TRIP4: variants seen among roughly 807,000 people sequenced by gnomAD.
TRIP4 encodes activating signal cointegrator 1.
Under a neutral mutation model 81.8 loss-of-function variants are expected in TRIP4, and 54 were observed. The observed-to-expected ratio is 0.66, with a 90% CI of 0.53 to 0.83. TRIP4 has a LOEUF of 0.83. Among genes scored for constraint, TRIP4 ranks in the 40% least tolerant of loss-of-function variants. TRIP4 has a pLI of 0.00. For missense variants in TRIP4, 662 were observed against 683.6 expected, an observed-to-expected ratio of 0.97 and a Z score of 0.35; for synonymous variants, 270 against 242.8, an observed-to-expected ratio of 1.11 and a Z score of -1.04.
At position 64,445,014 on chromosome 15, in the gene TRIP4, C is replaced by G; in HGVS notation, c.1584C>G (p.Asp528Glu). 1 of 1,545,586 alleles carries G rather than the reference C, an allele frequency of 6.5e-7. No individual in the cohort carries two copies. The highest frequency in any genetic ancestry group is 2.3e-5 in the East Asian group (1 of 44,112). Residue 528 changes from aspartate to glutamate, a missense_variant, in exon 12 of 13, where the codon GAC (aspartate) becomes GAG (glutamate). By Grantham distance (45) the Asp-to-Glu change is conservative. Coordinates refer to ENST00000261884, the MANE Select transcript of TRIP4 (RefSeq NM_016213.5). ...ATTTTTATATTTCACAGTTTCCAGA[C>G]ATCAGTCAAGAGTCTGATTCTCCAT... The part of the protein sequence containing the change: ...SQKQFKEQFP[D>E]ISQESDSPFV...
chr15:64,402,604 A>G (rs1352565342), intron 5 of TRIP4, among the ~76,000 whole-genome samples: 2 of 148,998 alleles, frequency 1.3e-5, no homozygotes, highest in Non-Finnish European at 3.0e-5. Flanking sequence ...GCTCACTGCA[A>G]CCTCCGCCAC....
At chr15:64,450,450 G>A (rs1306379998) in intron 12 of TRIP4, among the ~76,000 whole-genome samples, 1 of 151,382 alleles carries the variant, frequency 6.6e-6, no homozygotes, top group Non-Finnish European at 1.5e-5. Flanking sequence ...GAAGCCCAGG[G>A]TGAACTAGAA....
intron 12 of TRIP4, 118 bp downstream of exon 12, chr15:64,445,226 A>T (rs1421736361): frequency 1.8e-6 from 1 of 551,908 alleles, no homozygotes; most frequent in Non-Finnish European, 3.2e-6. Context: ...GAGGTAACCC[A>T]CTACCTTTGG....
chr15:64,388,264 A>G (rs1263273318), intron 1 of TRIP4, among the ~76,000 whole-genome samples: 1 of 152,098 alleles, frequency 6.6e-6, no homozygotes, highest in Non-Finnish European at 1.5e-5. Context: ...GGGCAGGTCA[A>G]ACTGTATTTC....
chr15:64,417,739 A>G (rs959106779), intron 8 of TRIP4, among the ~76,000 whole-genome samples: 18 of 152,218 alleles, frequency 1.2e-4, no homozygotes, highest in Admixed American at 3.9e-4. Context: ...TCATGCATCC[A>G]GTAGTCAGAA....
At chr15:64,392,244 G>A (rs1036955598) in intron 1 of TRIP4, among the ~76,000 whole-genome samples, 1 of 152,044 alleles carries the variant, frequency 6.6e-6, no homozygotes, top group Non-Finnish European at 1.5e-5. Flanking sequence ...TTTGCAGTGA[G>A]CTGAGATCGC....
intron 1 of TRIP4, among the ~76,000 whole-genome samples, chr15:64,388,252 AG>A (rs1285209665): frequency 6.6e-6 from 1 of 152,162 alleles, no homozygotes; most frequent in Non-Finnish European, 1.5e-5. Context: ...TCTAGAGAGA[AG>A]GGGCAGGTCA....
Position 64,395,548 on chromosome 15 carries a change from T to G in TRIP4, c.405+17T>G. The G allele has an allele frequency of 6.3e-7, 1 of 1,594,416 alleles. No individual in the cohort carries two copies. Among genetic ancestry groups the G allele is most frequent in the Non-Finnish European group, 8.6e-7 (1 of 1,169,536 alleles). On this transcript the variant is annotated intron_variant, in intron 3 of 12. Transcript: ENST00000261884. ...TTGGCCAAGGTGAGTGCTTATAGATTGAAGCTTTTTCTGACTATTGGAGAA... is the reference window on the plus strand; with the variant it reads ...TTGGCCAAGGTGAGTGCTTATAGATGGAAGCTTTTTCTGACTATTGGAGAA...
In TRIP4 at chr15:64,394,115, G is replaced by A. The variant is rs980150610; in HGVS notation, c.271G>A (p.Glu91Lys). 8.8e-6 allele frequency: 14 copies of A among 1,586,474 alleles called. No individual in the cohort carries two copies. Among genetic ancestry groups the A allele is most frequent in the Non-Finnish European group, 1.2e-5 (14 of 1,166,258 alleles). Residue 91 changes from glutamate to lysine, a missense_variant and splice_region_variant, in exon 2 of 13, where the codon GAA becomes AAA. By Grantham distance (56) the Glu-to-Lys change is moderately conservative. Transcript: ENST00000261884. Reference sequence around the variant, plus strand: ...TTTGCAGCAGTGCTTCAAAAAAGATGGTAAGTTAATGTAATTATGCAAATG... The same window carrying A: ...TTTGCAGCAGTGCTTCAAAAAAGATAGTAAGTTAATGTAATTATGCAAATG... Reference protein sequence around the residue: ...DPLQQCFKKDEILDGQKSGDH... With the variant: ...DPLQQCFKKDKILDGQKSGDH...
intron 10 of TRIP4, 59 bp from the exon 11 acceptor site, chr15:64,425,481 T>C (rs1892119898): frequency 1.4e-6 from 2 of 1,386,240 alleles, no homozygotes; most frequent in Non-Finnish European, 2.0e-6. Flanking sequence ...AACAGATTCC[T>C]GAGTTCCAAG....
At chr15:64,405,259 A>G (rs961056110) in intron 5 of TRIP4, among the ~76,000 whole-genome samples, 7 of 150,408 alleles carry the variant, frequency 4.7e-5, no homozygotes, top group Non-Finnish European at 1.0e-4. Context: ...GGTTCATGCC[A>G]TTGTCCTGCC....
At chr15:64,425,463 G>A in intron 10 of TRIP4, 77 bp from the exon 11 acceptor site, 1 of 1,230,482 alleles carries the variant, frequency 8.1e-7, no homozygotes, top group Non-Finnish European at 1.2e-6. Flanking sequence ...TGTTTGTTCA[G>A]AATTGAAAAC....
intron 5 of TRIP4, 104 bp downstream of exon 5, chr15:64,400,925 C>T: frequency 1.1e-6 from 1 of 909,722 alleles, no homozygotes; most frequent in South Asian, 1.5e-5. Context: ...GCAGTTTATT[C>T]ACTCATTCTC....
chr15:64,413,367 G>C (rs537011730), intron 7 of TRIP4, among the ~76,000 whole-genome samples: 188 of 151,942 alleles, frequency 1.2e-3, no homozygotes, highest in Middle Eastern at 6.8e-3. Context: ...TGTAGAACCA[G>C]GGTCTCTCTA....
chr15:64,401,165 GCT>G (rs1308215251), intron 5 of TRIP4, among the ~76,000 whole-genome samples: 2 of 145,120 alleles, frequency 1.4e-5, no homozygotes, highest in African/African-American at 2.6e-5. Context: ...ATGGAGTCTC[GCT>G]CTGTCACCCA....
At chr15:64,398,306 G>A (rs1030724473) in intron 4 of TRIP4, among the ~76,000 whole-genome samples, 1 of 151,096 alleles carries the variant, frequency 6.6e-6, no homozygotes, top group Non-Finnish European at 1.5e-5. Flanking sequence ...AGTGGCACAC[G>A]CCTGTAGTCC....
At chr15:64,404,190 CA>C (rs762935136) in intron 5 of TRIP4, among the ~76,000 whole-genome samples, 67 of 138,726 alleles carry the variant, frequency 4.8e-4, no homozygotes, top group South Asian at 1.3e-3. Context: ...AACTCCATCT[CA>C]AAAAAAAAAA....
chr15:64,414,298 ATACCAATCAGCTCTCTCAATACACCTG>A lies in TRIP4; in HGVS notation c.1170+107_1170+133del, dbSNP rs1891839448. On this transcript the variant is annotated intron_variant, in intron 8 of 12. Transcript: ENST00000261884. The stretch of plus-strand genomic sequence containing the variant: ...AGTATGTCTATTTCATAGACTTCAG[ATACCAATCAGCTCTCTCAATACACCTG>A]TACCAATCAGCTCTCTCAACACACC... 16 of 1,544,954 alleles carry A rather than the reference ATACCAATCAGCTCTCTCAATACACCTG, an allele frequency of 1.0e-5. No homozygotes were observed. In the South Asian group the frequency reaches 1.3e-4, roughly 13 times the overall value.
At chr15:64,452,733 T>C (rs2140319047) in intron 12 of TRIP4, among the ~76,000 whole-genome samples, 1 of 152,316 alleles carries the variant, frequency 6.6e-6, no homozygotes. Context: ...ATTATTCCAA[T>C]TTACATTTCA....
Sources: allele counts gnomAD v4.1 joint callset (sites outside exome capture counted in the v4.1 genomes callset), GRCh38; gene constraint gnomAD v4.1.1; transcripts MANE v1.5; gene names NCBI Gene and HGNC (gene_info 2026-07-23, HGNC 2026-07-21).